The following DLG5 variants were observed in gnomAD, a reference collection of about 807,000 sequenced individuals.
DLG5 encodes the protein discs large MAGUK scaffold protein 5.
In DLG5, 48 loss-of-function variants were observed where a neutral mutation model predicts 189.8. The ratio of observed to expected loss-of-function variants is 0.25; its 90% confidence interval spans 0.20 to 0.32. The LOEUF (loss-of-function observed/expected upper bound fraction) is 0.32. Among genes scored for constraint, DLG5 ranks in the 10% least tolerant of loss-of-function variants. The pLI is 1.00. For synonymous variants in DLG5, 1,016 were observed against 1,054.1 expected (o/e 0.96, Z 0.70); for missense variants, 2,160 against 2,544.7 (o/e 0.85, Z 3.25).
chr10:77,805,827 A>T lies in DLG5; in HGVS notation c.5002T>A (p.Ser1668Thr). ...DQEFSRRLSMSEVKDDNSATK... is the reference protein window; with the variant it reads ...DQEFSRRLSMTEVKDDNSATK... ...GCGCTATTGTCATCTTTGACTTCAG[A>T]CATGCTGAGCCTCCTGGAGAATTCT... is the stretch of plus-strand genomic sequence containing the variant. The change falls in exon 27 of 32, where the codon TCT becomes ACT. Residue 1668 changes from serine (S) to threonine (T), a missense_variant. Physicochemically the swap from Ser to Thr is moderately conservative, Grantham distance 58 (BLOSUM62 1). Transcript: ENST00000372391. The T allele has an allele frequency of 1.2e-6, 2 of 1,614,064 alleles. No homozygotes were observed. Among genetic ancestry groups the T allele is most frequent in the Non-Finnish European group, 1.7e-6 (2 of 1,179,940 alleles).
Position 77,821,654 on chromosome 10 carries a change from C to A in DLG5, c.2830G>T (p.Gly944Cys). Residue 944 changes from glycine (G) to cysteine (C), a missense_variant, in exon 15 of 32, where the codon GGC (glycine) becomes TGC (cysteine). This residue lies in a region of DLG5 where 754 missense variants were observed against 746.5 expected (regional missense o/e 1.01). Transcript: ENST00000372391. ...AGCATGGCCTTGGGCCAGGTCCCGC[C>A]GCTGTTGGAGCCTTCAGAGTCTGCC... ...DKADSEGSNS[G>C]GTWPKAMLSS... is the part of the protein sequence containing the mutation. The A allele has an allele frequency of 6.2e-7, 1 of 1,613,114 alleles. No homozygotes were observed. Among genetic ancestry groups the A allele is most frequent in the South Asian group, 1.1e-5 (1 of 91,076 alleles).
intron 2 of DLG5, among the ~76,000 whole-genome samples, chr10:77,864,744 C>T (rs1844607698): frequency 6.6e-6 from 1 of 152,260 alleles, no homozygotes; most frequent in African/African-American, 2.4e-5. Context: ...CCAGCAGCCA[C>T]TGCCTTTAAA....
At chr10:77,795,736 C>T (rs1292244552) in intron 29 of DLG5, among the ~76,000 whole-genome samples, 1 of 152,104 alleles carries the variant, frequency 6.6e-6, no homozygotes, top group Non-Finnish European at 1.5e-5. Context: ...CATTTGGGGA[C>T]CCCGTTCCGG....
At chr10:77,912,503 C>T (rs1422473083) in intron 1 of DLG5, 1 of 152,136 alleles carries the variant, frequency 6.6e-6, no homozygotes, top group Admixed American at 6.5e-5. Context: ...CCTCCTCAGC[C>T]TCCCAAGTAG....
chr10:77,833,250 T>C (rs1842962247), intron 9 of DLG5, among the ~76,000 whole-genome samples: 1 of 152,170 alleles, frequency 6.6e-6, no homozygotes, highest in Non-Finnish European at 1.5e-5. Flanking sequence ...GCTGCTGTAA[T>C]CGAGGGGAGG....
chr10:77,836,405 T>A (rs1469582240), intron 7 of DLG5, among the ~76,000 whole-genome samples: 2 of 151,840 alleles, frequency 1.3e-5, no homozygotes, highest in African/African-American at 4.8e-5. Context: ...CAAGAATAAC[T>A]CCTCCTCCCG....
chr10:77,848,204 T>C (rs1843787730), intron 5 of DLG5, among the ~76,000 whole-genome samples: 2 of 152,138 alleles, frequency 1.3e-5, no homozygotes, highest in Non-Finnish European at 2.9e-5. Flanking sequence ...CTCCTACCTG[T>C]ACCCTACATT....
At chr10:77,833,772 T>C (rs1437472941) in intron 9 of DLG5, 142 bp downstream of exon 9, 1 of 1,192,962 alleles carries the variant, frequency 8.4e-7, no homozygotes, top group Non-Finnish European at 1.2e-6. Context: ...TAAGGCAGAG[T>C]GAAGTGAAGG....
At chr10:77,853,088 T>G (rs1190692596) in intron 5 of DLG5, among the ~76,000 whole-genome samples, 1 of 151,376 alleles carries the variant, frequency 6.6e-6, no homozygotes, top group Non-Finnish European at 1.5e-5. Context: ...GCTCCAATGA[T>G]CCTCCTGCCT....
At chr10:77,836,582 GGA>G (rs1365672759) in intron 7 of DLG5, among the ~76,000 whole-genome samples, 1 of 152,114 alleles carries the variant, frequency 6.6e-6, no homozygotes, top group Admixed American at 6.6e-5. Flanking sequence ...CCAGACAGCA[GGA>G]GACAGCAGCC....
intron 2 of DLG5, chr10:77,868,119 C>A (rs1589235936): frequency 2.2e-6 from 1 of 455,850 alleles, no homozygotes; most frequent in East Asian, 6.9e-5. Flanking sequence ...TCTTGGGCTT[C>A]TGTCCTCCAG....
chr10:77,806,712 T>C, intron 26 of DLG5, 46 bp downstream of exon 26: 2 of 1,447,428 alleles, frequency 1.4e-6, no homozygotes, highest in Non-Finnish European at 9.6e-7. Context: ...CTGGTGGCCC[T>C]CGGCGACCCC....
chr10:77,902,601 C>T (rs1327631024), intron 1 of DLG5, among the ~76,000 whole-genome samples: 3 of 151,942 alleles, frequency 2.0e-5, no homozygotes. Context: ...TGGCTCATAC[C>T]TGTAATCCCA....
the DLG5 span, among the ~76,000 whole-genome samples, chr10:77,935,874 G>A: frequency 3.3e-5 from 5 of 152,066 alleles, no homozygotes; most frequent in Admixed American, 2.6e-4. Flanking sequence ...CCCAACATCC[G>A]AGATGCAACA....
chr10:77,823,758 C>A (rs555514363), intron 14 of DLG5, among the ~76,000 whole-genome samples: 1 of 152,074 alleles, frequency 6.6e-6, no homozygotes, highest in Non-Finnish European at 1.5e-5. Flanking sequence ...CTCGAACTCC[C>A]GACCTCAGGT....
the DLG5 span, among the ~76,000 whole-genome samples, chr10:77,939,685 A>G: frequency 6.6e-6 from 1 of 152,194 alleles, no homozygotes; most frequent in East Asian, 1.9e-4. Flanking sequence ...TAGAAGCAGC[A>G]GCTGGAGAAA....
At chr10:77,901,532 G>A (rs1287680542) in intron 1 of DLG5, among the ~76,000 whole-genome samples, 1 of 152,228 alleles carries the variant, frequency 6.6e-6, no homozygotes, top group African/African-American at 2.4e-5. Flanking sequence ...AGGAAAGACT[G>A]CTGCATCGCA....
intron 1 of DLG5, among the ~76,000 whole-genome samples, chr10:77,890,953 T>C (rs1436551261): frequency 6.6e-6 from 1 of 152,200 alleles, no homozygotes; most frequent in Non-Finnish European, 1.5e-5. Flanking sequence ...CCCACACTTC[T>C]GGCCAGACTA....
At chr10:77,876,406 A>C (rs1589244842) in intron 1 of DLG5, among the ~76,000 whole-genome samples, 4 of 139,366 alleles carry the variant, frequency 2.9e-5, no homozygotes, top group East Asian at 2.1e-4. Flanking sequence ...AGAGAGTCTC[A>C]CTCTGTTGCC....
Sources: allele counts gnomAD v4.1 joint callset (sites outside exome capture counted in the v4.1 genomes callset), GRCh38; gene constraint gnomAD v4.1.1; regional missense constraint gnomAD v4.1.1; transcripts MANE v1.5; gene names NCBI Gene and HGNC (gene_info 2026-07-23, HGNC 2026-07-21).